SH3BP5: variants seen among roughly 807,000 people sequenced by gnomAD.
SH3BP5 encodes the protein SH3 domain binding protein 5, also known as SH3 domain-binding protein 5.
SH3BP5 carries 22 observed loss-of-function variants against 43.3 expected under a neutral mutation model. That is an observed-to-expected ratio of 0.51 (90% CI 0.36 to 0.73). The LOEUF is 0.73. SH3BP5 is among the 30% of genes least tolerant of loss of function. The pLI is 0.00. For synonymous variants in SH3BP5, 255 were observed against 225.8 expected, an observed-to-expected ratio of 1.13 and a Z score of -1.16; for missense variants, 529 against 586.9, an observed-to-expected ratio of 0.90 and a Z score of 1.02.
chr3:15,293,248 C>T (rs184054014), intron 3 of SH3BP5, among the ~76,000 whole-genome samples: 10 of 152,360 alleles, frequency 6.6e-5, no homozygotes, highest in Admixed American at 3.9e-4. Flanking sequence ...TGACGCAGTT[C>T]CCAGGAACTG....
intron 3 of SH3BP5, among the ~76,000 whole-genome samples, chr3:15,295,854 T>C (rs148464004): frequency 6.6e-6 from 1 of 152,208 alleles, no homozygotes; most frequent in Non-Finnish European, 1.5e-5. Flanking sequence ...ATCATGAGGC[T>C]AAGAGCCAAA....
chr3:15,322,247 A>G (rs1006368746), intron 2 of SH3BP5, among the ~76,000 whole-genome samples: 1 of 151,996 alleles, frequency 6.6e-6, no homozygotes, highest in African/African-American at 2.4e-5. Context: ...TCTCATATGC[A>G]TATATTCTTT....
intron 3 of SH3BP5, among the ~76,000 whole-genome samples, chr3:15,296,694 C>CTTCTTTTTTT (rs1697582900): frequency 8.0e-6 from 1 of 124,968 alleles, no homozygotes. Context: ...AGTGTTTTTC[C>CTTCTTTTTTT]TTTTTTTTTT....
chr3:15,306,954 T>C (rs889640782), intron 2 of SH3BP5, among the ~76,000 whole-genome samples: 1 of 152,154 alleles, frequency 6.6e-6, no homozygotes, highest in Non-Finnish European at 1.5e-5. Context: ...ATTACAGGTG[T>C]GAGCCACGGC....
At chr3:15,298,737 G>T (rs1171942967) in intron 3 of SH3BP5, among the ~76,000 whole-genome samples, 1 of 152,164 alleles carries the variant, frequency 6.6e-6, no homozygotes, top group African/African-American at 2.4e-5. Flanking sequence ...CTTATATGAG[G>T]TACCTAGGGT....
At chr3:15,308,559 A>T (rs1283887992) in intron 2 of SH3BP5, among the ~76,000 whole-genome samples, 1 of 152,132 alleles carries the variant, frequency 6.6e-6, no homozygotes, top group Non-Finnish European at 1.5e-5. Context: ...GAGAAGGGGG[A>T]CATTCGACCC....
At chr3:15,295,479 T>C (rs1251247904) in intron 3 of SH3BP5, among the ~76,000 whole-genome samples, 1 of 152,216 alleles carries the variant, frequency 6.6e-6, no homozygotes, top group Admixed American at 6.5e-5. Flanking sequence ...TTTTTGTTGA[T>C]GATTTTTCTC....
At position 15,258,941 on chromosome 3, in the gene SH3BP5, C is replaced by T. The variant is rs565817625; in HGVS notation, c.779G>A (p.Arg260Gln). The T allele has an allele frequency of 5.6e-6, 9 of 1,614,084 alleles. No homozygotes were observed. The highest frequency in any genetic ancestry group is 3.3e-5 in the Admixed American group (2 of 60,008). Residue 260 changes from arginine to glutamine, a missense_variant, in exon 7 of 9, where the codon CGG (arginine) becomes CAG (glutamine). Coordinates refer to ENST00000383791, the MANE Select transcript of SH3BP5 (RefSeq NM_004844.5). ...AGGCCCCATGGCACTGGAGCGCCGCCGCTCGTGGATCTCATCTGAGATCAT... is the reference window on the plus strand; with the variant it reads ...AGGCCCCATGGCACTGGAGCGCCGCTGCTCGTGGATCTCATCTGAGATCAT... ...LEMISDEIHE[R>Q]RRSSAMGPRG...
At chr3:15,308,573 AGCACGGAC>A (rs1697972775) in intron 2 of SH3BP5, among the ~76,000 whole-genome samples, 1 of 152,190 alleles carries the variant, frequency 6.6e-6, no homozygotes, top group Non-Finnish European at 1.5e-5. Flanking sequence ...TCGACCCTCC[AGCACGGAC>A]GGACGGGCTG....
chr3:15,332,816 C>T (rs1233035587), upstream of SH3BP5, among the ~76,000 whole-genome samples: 2 of 152,208 alleles, frequency 1.3e-5, no homozygotes, highest in African/African-American at 2.4e-5. Context: ...CTCCCGCTTT[C>T]GGGAGTCCCC....
At chr3:15,297,616 T>C (rs1450226709) in intron 3 of SH3BP5, among the ~76,000 whole-genome samples, 1 of 152,120 alleles carries the variant, frequency 6.6e-6, no homozygotes. Context: ...CTTTAGCCCG[T>C]AAGATGTTAA....
chr3:15,256,253 TG>T lies in SH3BP5; in HGVS notation c.1200del (p.Asn400LysfsTer32). ...CCACTGCTACTGCTGAGGCCCCGGT[TG>T]TTGTTGGCTTTGTCACTTGTTTTAT... is the stretch of plus-strand genomic sequence containing the variant. The part of the protein sequence containing the change: ...AENKTSDKAN[N>X]NRGLSSSSGS... On this transcript the variant is annotated frameshift_variant, in exon 9 of 9. Transcript: ENST00000383791. LOFTEE classifies it low-confidence loss of function (END_TRUNC). 6.2e-7 allele frequency: 1 copy of T among 1,614,208 alleles called. No individual in the cohort carries two copies. Among genetic ancestry groups the T allele is most frequent in the South Asian group, 1.1e-5 (1 of 91,092 alleles).
At chr3:15,319,939 G>C (rs1698278642) in intron 2 of SH3BP5, among the ~76,000 whole-genome samples, 1 of 152,164 alleles carries the variant, frequency 6.6e-6, no homozygotes, top group Non-Finnish European at 1.5e-5. Flanking sequence ...AAATAGAACA[G>C]TTGTTTTAAG....
rs1471510409 is a variant in SH3BP5, at chr3:15,255,115, T to TAACA, written c.*967_*970dup. The TAACA allele has an allele frequency of 3.9e-5, 6 of 152,608 alleles. No individual in the cohort carries two copies. Among genetic ancestry groups the TAACA allele is most frequent in the African/African-American group, 1.4e-4 (6 of 41,424 alleles). 9.5% of individuals were successfully genotyped at this position (152,608 alleles called of 1,614,324 possible). A position where few individuals can be genotyped will look rare whatever the true frequency, so the allele number is the denominator to read the frequency against. On this transcript the variant is annotated 3_prime_UTR_variant, in exon 9 of 9. Transcript: ENST00000383791. Reference sequence around the variant, plus strand: ...TGAAAACGTTAAAGAAAAGCAGTCTTAACACTTAACTACTATTAACAGCCT... The same window carrying TAACA: ...TGAAAACGTTAAAGAAAAGCAGTCTTAACAAACACTTAACTACTATTAACAGCCT...
chr3:15,267,109 G>A (rs936946121), intron 4 of SH3BP5, among the ~76,000 whole-genome samples: 1 of 152,246 alleles, frequency 6.6e-6, no homozygotes, highest in African/African-American at 2.4e-5. Context: ...GACAAGGGAG[G>A]AGACATTCTC....
At chr3:15,264,819 T>C (rs1300118538) in intron 4 of SH3BP5, among the ~76,000 whole-genome samples, 1 of 152,164 alleles carries the variant, frequency 6.6e-6, no homozygotes, top group African/African-American at 2.4e-5. Flanking sequence ...GTATAACCTT[T>C]ATGAAAACTC....
chr3:15,276,136 C>A (rs1345394517), intron 3 of SH3BP5: 1 of 151,390 alleles, frequency 6.6e-6, no homozygotes, highest in Admixed American at 6.6e-5. Flanking sequence ...CACGAAGGGT[C>A]ATCGGCAAAG....
At chr3:15,333,101 A>G (rs1698657703), upstream of SH3BP5, 1 of 985,390 alleles carries the variant, frequency 1.0e-6, no homozygotes, top group African/African-American at 1.7e-5. Context: ...AATAGCCAGG[A>G]GCATGGAGAA....
intron 2 of SH3BP5, among the ~76,000 whole-genome samples, chr3:15,321,445 G>A (rs1157202934): frequency 6.6e-6 from 1 of 151,478 alleles, no homozygotes; most frequent in African/African-American, 2.4e-5. Context: ...CCAATCCAAG[G>A]TTTTTCCCAT....
Sources: allele counts gnomAD v4.1 joint callset (sites outside exome capture counted in the v4.1 genomes callset), GRCh38; gene constraint gnomAD v4.1.1; transcripts MANE v1.5; gene names NCBI Gene and HGNC (gene_info 2026-07-23, HGNC 2026-07-21).